The following SYNPO2 variants were observed in gnomAD, a reference collection of about 807,000 sequenced individuals.
The protein encoded by SYNPO2 is synaptopodin 2.
In SYNPO2, 56 loss-of-function variants were observed where a neutral mutation model predicts 85.0. That is an observed-to-expected ratio of 0.66 (90% CI 0.53 to 0.82). The LOEUF (loss-of-function observed/expected upper bound fraction) is 0.82, where lower values mean the gene tolerates loss of function less well. Ranked by LOEUF, SYNPO2 falls within the 40% of genes least tolerant of loss-of-function variation. The pLI is 0.00. For synonymous variants in SYNPO2, 602 were observed against 591.1 expected (o/e 1.02, Z -0.27); for missense variants, 1,575 against 1,534.2 (o/e 1.03, Z -0.44).
intron 1 of SYNPO2, among the ~76,000 whole-genome samples, chr4:119,004,577 T>C (rs571956649): frequency 0.02 from 2,922 of 148,750 alleles, 79 homozygotes; most frequent in African/African-American, 0.055. Flanking sequence ...TATGGCTGCA[T>C]AGTATTCCAT....
Position 118,857,393 on chromosome 4 carries a change from A to G in SYNPO2, c.12+6453A>G, listed in dbSNP as rs528221789. ...CCATATTAAACTGAGGACAGGACAA[A>G]GGTAATAGCTGTACATATTGTCTAA... On this transcript the variant is annotated intron_variant, in intron 1 of 4. Coordinates refer to the SYNPO2 transcript ENST00000610556. Among the ~76,000 whole-genome samples the G allele has an allele frequency of 2.0e-5, 3 of 152,200 alleles. No individual in the cohort carries two copies. The South Asian group carries it at 6.2e-4, about 32-fold the overall frequency.
At chr4:119,009,159 T>A (rs967889743) in intron 1 of SYNPO2, among the ~76,000 whole-genome samples, 1 of 152,250 alleles carries the variant, frequency 6.6e-6, no homozygotes, top group African/African-American at 2.4e-5. Flanking sequence ...AAGATTTTTG[T>A]ATGCTTGCAA....
At chr4:118,905,105 G>C (rs1262785626) in intron 1 of SYNPO2, among the ~76,000 whole-genome samples, 1 of 152,186 alleles carries the variant, frequency 6.6e-6, no homozygotes, top group African/African-American at 2.4e-5. Flanking sequence ...ACAATGACCA[G>C]ATAGCTCCAT....
intron 4 of SYNPO2, chr4:119,032,929 T>TTTCC: frequency 3.3e-6 from 3 of 905,322 alleles, no homozygotes; most frequent in Non-Finnish European, 4.0e-6. Context: ...AAAGGTTGAT[T>TTTCC]CCCACCCTCC....
chr4:118,856,721 A>G (rs1452186580), intron 1 of SYNPO2, among the ~76,000 whole-genome samples: 1 of 152,030 alleles, frequency 6.6e-6, no homozygotes, highest in East Asian at 1.9e-4. Flanking sequence ...GATGTTGCCC[A>G]GGCTGGTCCC....
chr4:118,940,705 A>C (rs959563560), intron 1 of SYNPO2, among the ~76,000 whole-genome samples: 1 of 152,166 alleles, frequency 6.6e-6, no homozygotes, highest in Non-Finnish European at 1.5e-5. Context: ...CTTGGGGCTG[A>C]GTCTTCAACA....
At chr4:118,973,473 G>A (rs986152465) in intron 1 of SYNPO2, among the ~76,000 whole-genome samples, 1 of 151,984 alleles carries the variant, frequency 6.6e-6, no homozygotes, top group Non-Finnish European at 1.5e-5. Flanking sequence ...TTTCTGTGAT[G>A]AGTGAGGATG....
chr4:118,879,744 C>A (rs1462281842), intron 1 of SYNPO2, among the ~76,000 whole-genome samples: 1 of 152,174 alleles, frequency 6.6e-6, no homozygotes, highest in Non-Finnish European at 1.5e-5. Flanking sequence ...CATTTGCCTT[C>A]ACTGGTCACT....
chr4:118,879,011 A>G (rs977969904), intron 1 of SYNPO2, among the ~76,000 whole-genome samples: 1 of 152,194 alleles, frequency 6.6e-6, no homozygotes, highest in Admixed American at 6.5e-5. Context: ...CAGCGAGACC[A>G]TGAACCCACA....
chr4:119,007,951 C>A (rs766368680), intron 1 of SYNPO2, among the ~76,000 whole-genome samples: 6 of 152,000 alleles, frequency 3.9e-5, no homozygotes, highest in Non-Finnish European at 8.8e-5. Flanking sequence ...TTGTAAGGTA[C>A]ATTATTATAA....
At chr4:118,907,256 CT>C (rs1325134825) in intron 1 of SYNPO2, among the ~76,000 whole-genome samples, 1 of 152,154 alleles carries the variant, frequency 6.6e-6, no homozygotes, top group Non-Finnish European at 1.5e-5. Context: ...CACAATTGAT[CT>C]TTTTATAAAT....
intron 1 of SYNPO2, among the ~76,000 whole-genome samples, chr4:118,954,008 C>T (rs1190734643): frequency 1.3e-5 from 2 of 152,142 alleles, no homozygotes; most frequent in Non-Finnish European, 2.9e-5. Flanking sequence ...CTATCTCTGC[C>T]CTCCTGATAT....
rs60796554 is a variant in SYNPO2, at chr4:118,961,099, G to GCCCC, written c.106-62324_106-62321dup. Among the ~76,000 whole-genome samples, 48 of 94,642 alleles carry GCCCC rather than the reference G, an allele frequency of 5.1e-4. 2 individuals are homozygous for GCCCC. Among genetic ancestry groups the GCCCC allele is most frequent in the East Asian group, 1.9e-3 (6 of 3,206 alleles). 62.1% of individuals were successfully genotyped at this position (94,642 alleles called of 152,430 possible). Reference sequence around the variant, plus strand: ...GTTCTCAACTGGGGGCTATTTTACCGCCCCCCCCCCACCCCTCCAGGGACA... The same window carrying GCCCC: ...GTTCTCAACTGGGGGCTATTTTACCGCCCCCCCCCCCCCCACCCCTCCAGGGACA... On this transcript the variant is annotated intron_variant, in intron 1 of 4. Transcript: ENST00000307142.
chr4:119,031,367 G>A lies in SYNPO2; in HGVS notation c.2592G>A (p.Glu864=), dbSNP rs755771437. Residue 864 remains glutamate (E), a synonymous_variant, in exon 4 of 5, where the codon GAG becomes GAA. Coordinates refer to ENST00000307142, the MANE Select transcript of SYNPO2 (RefSeq NM_133477.3). The part of the protein sequence containing the change: ...VQPGAVGPSN[E]LPGMSGRGAQ... ...CTGGTGCAGTGGGACCATCCAATGA[G>A]CTTCCAGGAATGAGTGGGAGAGGAG... The A allele has an allele frequency of 2.3e-5, 37 of 1,614,138 alleles. No homozygotes were observed. Among genetic ancestry groups the A allele is most frequent in the Non-Finnish European group, 2.8e-5 (33 of 1,180,036 alleles).
At chr4:118,995,726 A>G (rs1002219664) in intron 1 of SYNPO2, among the ~76,000 whole-genome samples, 8 of 152,176 alleles carry the variant, frequency 5.3e-5, no homozygotes, top group African/African-American at 1.9e-4. Flanking sequence ...CCTGGGACAA[A>G]TGACTACAAG....
At chr4:118,975,905 T>G (rs888997680) in intron 1 of SYNPO2, among the ~76,000 whole-genome samples, 1 of 152,258 alleles carries the variant, frequency 6.6e-6, no homozygotes, top group Non-Finnish European at 1.5e-5. Flanking sequence ...ATAACTTTTG[T>G]GAGCCTTACT....
At chr4:119,055,518 G>T (rs900452557) in intron 4 of SYNPO2, among the ~76,000 whole-genome samples, 1 of 152,204 alleles carries the variant, frequency 6.6e-6, no homozygotes, top group Non-Finnish European at 1.5e-5. Flanking sequence ...ACTGGATTGT[G>T]TGCTTATTGA....
At chr4:118,924,528 C>T (rs1184148189) in intron 1 of SYNPO2, among the ~76,000 whole-genome samples, 1 of 152,176 alleles carries the variant, frequency 6.6e-6, no homozygotes, top group Non-Finnish European at 1.5e-5. Context: ...AGCCCTTGGT[C>T]AGTGTGGCTG....
intron 1 of SYNPO2, among the ~76,000 whole-genome samples, chr4:119,022,431 A>G (rs1737755731): frequency 1.3e-5 from 2 of 150,686 alleles, no homozygotes; most frequent in African/African-American, 4.9e-5. Context: ...CTCCTGGCTC[A>G]AACAATCCTC....
Sources: allele counts gnomAD v4.1 joint callset (sites outside exome capture counted in the v4.1 genomes callset), GRCh38; gene constraint gnomAD v4.1.1; transcripts MANE v1.5; gene names NCBI Gene and HGNC (gene_info 2026-07-23, HGNC 2026-07-21).